The following RBFOX3 variants were observed in gnomAD, a reference collection of about 807,000 sequenced individuals.
The protein encoded by RBFOX3 is RNA binding fox-1 homolog 3.
A neutral mutation model predicts 48.7 loss-of-function variants in RBFOX3; 17 were observed. The observed-to-expected ratio is 0.35, with a 90% CI of 0.24 to 0.52. The LOEUF (loss-of-function observed/expected upper bound fraction) is 0.52, where lower values mean the gene tolerates loss of function less well. RBFOX3 is among the 20% of genes least tolerant of loss of function. The probability of loss-of-function intolerance (pLI) is 0.94; values close to 1 mark genes in which losing one functional copy is unlikely to be tolerated. For synonymous variants in RBFOX3, 212 were observed against 209.5 expected (o/e 1.01, Z -0.10); for missense variants, 382 against 497.5 (o/e 0.77, Z 2.21).
intron 1 of RBFOX3, among the ~76,000 whole-genome samples, chr17:79,564,303 AC>A (rs1279429893): frequency 1.3e-5 from 2 of 152,182 alleles, no homozygotes; most frequent in African/African-American, 4.8e-5. Context: ...ATAGCAGCAA[AC>A]CCAAAATGGC....
At chr17:79,247,411 C>A (rs2063333971) in intron 3 of RBFOX3, among the ~76,000 whole-genome samples, 1 of 148,492 alleles carries the variant, frequency 6.7e-6, no homozygotes, top group South Asian at 2.1e-4. Context: ...CTCCCAGGTT[C>A]AAATGGTTTT....
At chr17:79,129,141 A>C (rs1106743) in intron 4 of RBFOX3, among the ~76,000 whole-genome samples, 102,980 of 152,066 alleles carry the variant, frequency 0.68, 35,842 homozygotes, top group Non-Finnish European at 0.74. Context: ...GCTGCTGCTG[A>C]TGATGATAAT....
Position 79,299,147 on chromosome 17 carries a change from G to A in RBFOX3, c.-74+8577C>T, listed in dbSNP as rs1285245814. Among the ~76,000 whole-genome samples, 1 of 107,930 alleles carries A rather than the reference G, an allele frequency of 9.3e-6. No individual in the cohort carries two copies. Among genetic ancestry groups the A allele is most frequent in the South Asian group, 2.8e-4 (1 of 3,528 alleles). 70.8% of individuals were successfully genotyped at this position (107,930 alleles called of 152,430 possible). A position where few individuals can be genotyped will look rare whatever the true frequency, so the allele number is the denominator to read the frequency against. On this transcript the variant is annotated intron_variant, in intron 3 of 14. Coordinates refer to ENST00000693108, the MANE Select transcript of RBFOX3 (RefSeq NM_001350451.2). The surrounding 1 kb of genome is among the most constrained non-coding windows in gnomAD (Gnocchi z 4.5). ...AATAAGAGGCCAGGTGTGGTATCTC[G>A]GTGCTGGCAAAACAGAGGCCAGAGA...
At position 79,101,648 on chromosome 17, in the gene RBFOX3, T is replaced by C. The variant is rs1182317520; in HGVS notation, c.508-4A>G. ...CTCGGGCCGTGGCATTATTGACCTG[T>C]TCAAAGAGGGAAGGAGAGAGAGGAA... On this transcript the variant is annotated splice_polypyrimidine_tract_variant and splice_region_variant and intron_variant, in intron 8 of 14. Transcript: ENST00000693108. The C allele has an allele frequency of 1.9e-6, 3 of 1,551,058 alleles. No homozygotes were observed. The highest frequency in any genetic ancestry group is 2.6e-6 in the Non-Finnish European group (3 of 1,146,802).
At chr17:79,639,846 G>A in the RBFOX3 span, among the ~76,000 whole-genome samples, 5 of 152,010 alleles carry the variant, frequency 3.3e-5, no homozygotes, top group African/African-American at 1.2e-4. Flanking sequence ...CCTCAACACA[G>A]TAAAAGCCCA....
At chr17:79,539,725 C>G (rs1568393029) in intron 1 of RBFOX3, among the ~76,000 whole-genome samples, 3 of 152,172 alleles carry the variant, frequency 2.0e-5, no homozygotes, top group African/African-American at 2.4e-5. Context: ...AACAAAGAAG[C>G]AAATATTTTT....
At chr17:79,228,272 G>A (rs1057512919) in intron 4 of RBFOX3, among the ~76,000 whole-genome samples, 2 of 152,168 alleles carry the variant, frequency 1.3e-5, no homozygotes, top group African/African-American at 2.4e-5. Flanking sequence ...CGGAGCGGGC[G>A]GGGTGGCCAT....
At chr17:79,206,094 G>A (rs1599971256) in intron 4 of RBFOX3, among the ~76,000 whole-genome samples, 1 of 152,158 alleles carries the variant, frequency 6.6e-6, no homozygotes, top group African/African-American at 2.4e-5. Context: ...CAGAGGGTGC[G>A]AGGTAAAGCC....
chr17:79,217,205 C>T (rs2059169494), intron 4 of RBFOX3, among the ~76,000 whole-genome samples: 1 of 152,256 alleles, frequency 6.6e-6, no homozygotes, highest in African/African-American at 2.4e-5. Context: ...GTCCCCTTCA[C>T]AATGAGCACA....
At chr17:79,604,924 T>A (rs1599274798) in intron 1 of RBFOX3, among the ~76,000 whole-genome samples, 1 of 152,176 alleles carries the variant, frequency 6.6e-6, no homozygotes, top group Non-Finnish European at 1.5e-5. Flanking sequence ...TTGCTTGGTG[T>A]CCAAGGATGT....
intron 6 of RBFOX3, among the ~76,000 whole-genome samples, chr17:79,105,658 G>A (rs540505707): frequency 3.0e-4 from 46 of 152,170 alleles, no homozygotes; most frequent in Non-Finnish European, 4.3e-4. Flanking sequence ...CTCCACCCTG[G>A]GGCTGCCAGA....
chr17:79,282,460 C>T (rs1019572604), intron 3 of RBFOX3, among the ~76,000 whole-genome samples: 5 of 152,056 alleles, frequency 3.3e-5, no homozygotes. Flanking sequence ...TGAATTGGAC[C>T]AGCAGCTTGT....
intron 1 of RBFOX3, among the ~76,000 whole-genome samples, chr17:79,557,935 G>C (rs2091903404): frequency 6.6e-6 from 1 of 152,238 alleles, no homozygotes; most frequent in Non-Finnish European, 1.5e-5. Flanking sequence ...GGGAGACAGA[G>C]GAGACCTGGA....
At chr17:79,465,944 C>G (rs1352039632) in intron 2 of RBFOX3, among the ~76,000 whole-genome samples, 1 of 152,232 alleles carries the variant, frequency 6.6e-6, no homozygotes, top group African/African-American at 2.4e-5. Context: ...ATTCCCCTCT[C>G]CCTGAGCAAA....
At position 79,420,162 on chromosome 17, in the gene RBFOX3, CACACACACACACAA is replaced by C. The variant is rs1568217890; in HGVS notation, c.-175+62278_-175+62291del. On this transcript the variant is annotated intron_variant, in intron 2 of 14. Coordinates refer to ENST00000693108, the MANE Select transcript of RBFOX3 (RefSeq NM_001350451.2). ...ACACACACACACACACACACACACA[CACACACACACACAA>C]AAGATGGTTAACAGGTGTGCCTCCT... is the stretch of plus-strand genomic sequence containing the variant. Among the ~76,000 whole-genome samples the C allele has an allele frequency of 3.2e-3, 479 of 150,530 alleles. 1 individual carries two copies. The highest frequency in any genetic ancestry group is 3.5e-3 in the Admixed American group (53 of 15,140).
intron 1 of RBFOX3, among the ~76,000 whole-genome samples, chr17:79,503,870 G>A (rs2082700116): frequency 6.6e-6 from 1 of 152,204 alleles, no homozygotes; most frequent in Admixed American, 6.5e-5. Context: ...GGGGTGCAGA[G>A]CTCACAGGGG....
chr17:79,162,898 G>A (rs993527304), intron 4 of RBFOX3, among the ~76,000 whole-genome samples: 4 of 152,318 alleles, frequency 2.6e-5, no homozygotes, highest in African/African-American at 9.6e-5. Flanking sequence ...TGATCAAGCG[G>A]TTCTCAAACT....
intron 4 of RBFOX3, among the ~76,000 whole-genome samples, chr17:79,169,205 G>A (rs573111350): frequency 1.3e-5 from 2 of 152,188 alleles, no homozygotes; most frequent in African/African-American, 2.4e-5. Context: ...AGACATGCAG[G>A]GGGGTGCCCA....
intron 14 of RBFOX3, among the ~76,000 whole-genome samples, chr17:79,093,935 C>G (rs1326274268): frequency 6.6e-6 from 1 of 152,118 alleles, no homozygotes; most frequent in African/African-American, 2.4e-5. Context: ...CCAGGAGCCC[C>G]CAGGAAGCCA....
Sources: allele counts gnomAD v4.1 joint callset (sites outside exome capture counted in the v4.1 genomes callset), GRCh38; gene constraint gnomAD v4.1.1; non-coding constraint Gnocchi (gnomAD v3.1); transcripts MANE v1.5; gene names NCBI Gene and HGNC (gene_info 2026-07-23, HGNC 2026-07-21).